SYN3: variants seen among roughly 807,000 people sequenced by gnomAD.
SYN3 encodes the protein synapsin III.
In SYN3, 35 loss-of-function variants were observed where a neutral mutation model predicts 65.8. The ratio of observed to expected loss-of-function variants is 0.53; its 90% CI spans 0.41 to 0.70. SYN3 has a LOEUF of 0.70. Among genes scored for constraint, SYN3 ranks in the 30% least tolerant of loss-of-function variants. SYN3 has a pLI of 0.00. For missense variants in SYN3, 680 were observed against 749.0 expected (o/e 0.91, Z 1.08); for synonymous variants, 270 against 292.9 (o/e 0.92, Z 0.80).
chr22:32,665,943 GA>G (rs1423532046), intron 6 of SYN3, among the ~76,000 whole-genome samples: 7 of 152,098 alleles, frequency 4.6e-5, no homozygotes, highest in Admixed American at 2.0e-4. Context: ...GATGTCCAAC[GA>G]AATCACACAC....
intron 7 of SYN3, among the ~76,000 whole-genome samples, chr22:32,592,521 T>C (rs2059142192): frequency 6.6e-6 from 1 of 152,250 alleles, no homozygotes; most frequent in African/African-American, 2.4e-5. Flanking sequence ...TTCCATCTCT[T>C]GTCTTCTAGT....
chr22:32,576,005 T>A (rs1298692966), intron 7 of SYN3, among the ~76,000 whole-genome samples: 4 of 151,938 alleles, frequency 2.6e-5, no homozygotes, highest in Non-Finnish European at 5.9e-5. Flanking sequence ...TTTAAAAAAA[T>A]AAAATAATGA....
intron 6 of SYN3, among the ~76,000 whole-genome samples, chr22:32,745,164 GTCTC>G (rs947254645): frequency 6.6e-6 from 1 of 152,098 alleles, no homozygotes; most frequent in East Asian, 1.9e-4. Flanking sequence ...AGGGATGAGG[GTCTC>G]TCTCTCTCTA....
chr22:32,569,465 A>G (rs564193476), intron 7 of SYN3, among the ~76,000 whole-genome samples: 1 of 150,428 alleles, frequency 6.6e-6, no homozygotes, highest in East Asian at 2.0e-4. Context: ...TCTATCTAAA[A>G]TCTATCAATT....
At chr22:32,672,209 G>T (rs1239278844) in intron 6 of SYN3, among the ~76,000 whole-genome samples, 1 of 152,162 alleles carries the variant, frequency 6.6e-6, no homozygotes, top group African/African-American at 2.4e-5. Flanking sequence ...TTAAAAAAAG[G>T]TCTGCATAGC....
intron 6 of SYN3, among the ~76,000 whole-genome samples, chr22:32,785,515 C>T (rs1054909800): frequency 6.6e-6 from 1 of 152,216 alleles, no homozygotes; most frequent in Non-Finnish European, 1.5e-5. Context: ...GAGAGAAGCA[C>T]TTGGCTTGCT....
intron 7 of SYN3, among the ~76,000 whole-genome samples, chr22:32,545,130 T>G (rs6518787): frequency 0.32 from 48,976 of 152,120 alleles, 8,246 homozygotes; most frequent in East Asian, 0.6. Context: ...CTCCCCTTGC[T>G]GGCTGGAGTG....
chr22:32,994,660 G>T (rs2052826108), intron 2 of SYN3, among the ~76,000 whole-genome samples: 1 of 152,138 alleles, frequency 6.6e-6, no homozygotes, highest in Non-Finnish European at 1.5e-5. Context: ...ACTCTAGGAG[G>T]AGGGGACTGA....
chr22:32,596,834 A>G, intron 6 of SYN3, 98 bp from the exon 7 acceptor site: 2 of 1,228,914 alleles, frequency 1.6e-6, no homozygotes, highest in African/African-American at 1.5e-5. Context: ...TTCATTTCAT[A>G]TGGTCGGGAA....
chr22:32,682,772 G>T (rs990406360), intron 6 of SYN3, among the ~76,000 whole-genome samples: 11 of 151,998 alleles, frequency 7.2e-5, no homozygotes, highest in Non-Finnish European at 1.5e-4. Flanking sequence ...TTCACCAATA[G>T]GGTGGATGCC....
chr22:32,656,517 G>A (rs2146976824), intron 6 of SYN3, among the ~76,000 whole-genome samples: 1 of 152,274 alleles, frequency 6.6e-6, no homozygotes, highest in East Asian at 1.9e-4. Context: ...GCATGTGCTT[G>A]TCTTGGGGAG....
At chr22:32,715,217 C>G (rs184895649) in intron 6 of SYN3, among the ~76,000 whole-genome samples, 52 of 152,318 alleles carry the variant, frequency 3.4e-4, no homozygotes, top group African/African-American at 9.1e-4. Context: ...TCCAAATTAC[C>G]AAATTTGTGT....
intron 13 of SYN3, among the ~76,000 whole-genome samples, chr22:32,515,416 A>G (rs1478864730): frequency 6.6e-6 from 1 of 152,200 alleles, no homozygotes; most frequent in Non-Finnish European, 1.5e-5. Context: ...ATGTGAGGAA[A>G]TTGAAGCACA....
intron 6 of SYN3, among the ~76,000 whole-genome samples, chr22:32,790,448 C>T (rs917435066): frequency 2.8e-4 from 21 of 74,982 alleles, no homozygotes; most frequent in African/African-American, 4.1e-4. Context: ...ATTATTGAGA[C>T]GGAGTCTCGC....
At chr22:32,683,123 C>A (rs2060545424) in intron 6 of SYN3, among the ~76,000 whole-genome samples, 1 of 152,162 alleles carries the variant, frequency 6.6e-6, no homozygotes, top group East Asian at 1.9e-4. Flanking sequence ...CAATAAAATG[C>A]CAGATGGTGA....
intron 6 of SYN3, among the ~76,000 whole-genome samples, chr22:32,712,363 T>C (rs1277716986): frequency 2.0e-5 from 3 of 152,248 alleles, no homozygotes; most frequent in Non-Finnish European, 4.4e-5. Flanking sequence ...TTTCATTGTT[T>C]GCCTCCCCCA....
chr22:33,051,082 T>C (rs189342493), intron 1 of SYN3, among the ~76,000 whole-genome samples: 194 of 152,238 alleles, frequency 1.3e-3, no homozygotes, highest in African/African-American at 4.5e-3. Context: ...CCAACTCCTT[T>C]CTACCTCTGC....
rs574132199 is a variant in SYN3 at position 32,569,232 on chromosome 22, T to A, written c.774+27442A>T. ...AAATTCTATCTACCTAATTCTTTCTTTCTATCTATCTCTATGCATCCAAAA... is the reference window on the plus strand; with the variant it reads ...AAATTCTATCTACCTAATTCTTTCTATCTATCTATCTCTATGCATCCAAAA... On this transcript the variant is annotated intron_variant, in intron 7 of 13. Transcript: ENST00000358763. Among the ~76,000 whole-genome samples the A allele has an allele frequency of 6.7e-5, 10 of 149,242 alleles. No homozygotes were observed. The East Asian group carries it at 7.9e-4, about 12-fold the overall frequency.
intron 6 of SYN3, among the ~76,000 whole-genome samples, chr22:32,662,635 C>T (rs2060231693): frequency 6.6e-6 from 1 of 152,190 alleles, no homozygotes; most frequent in South Asian, 2.1e-4. Context: ...ATACCTACTT[C>T]ATAAGGCTGT....
Sources: allele counts gnomAD v4.1 joint callset (sites outside exome capture counted in the v4.1 genomes callset), GRCh38; gene constraint gnomAD v4.1.1; transcripts MANE v1.5; gene names NCBI Gene and HGNC (gene_info 2026-07-23, HGNC 2026-07-21).